The following PKHD1L1 variants were observed in gnomAD, a reference collection of about 807,000 sequenced individuals.
The protein encoded by PKHD1L1 is PKHD1 like 1, also known as fibrocystin-L.
In PKHD1L1, 434 loss-of-function variants were observed where a neutral mutation model predicts 462.9. The ratio of observed to expected loss-of-function variants is 0.94; its 90% CI spans 0.87 to 1.02. The LOEUF is 1.02. PKHD1L1 is among the 50% of genes least tolerant of loss of function. PKHD1L1 has a pLI of 0.00. For missense variants in PKHD1L1, 5,202 were observed against 5,096.1 expected, an observed-to-expected ratio of 1.02 and a Z score of -0.63; for synonymous variants, 1,781 against 1,750.0, an observed-to-expected ratio of 1.02 and a Z score of -0.44.
In PKHD1L1 at chr8:109,440,911, A is replaced by G. The variant is rs1030735647; in HGVS notation, c.4099+59A>G. 12 of 1,528,212 alleles carry G rather than the reference A, an allele frequency of 7.9e-6. No individual in the cohort carries two copies. In the Admixed American group the frequency reaches 2.2e-4, roughly 28 times the overall value. The allele number at this position is 1,528,212 out of a possible 1,614,324, so 94.7% of individuals were successfully genotyped here. On this transcript the variant is annotated intron_variant, in intron 33 of 77. Coordinates refer to ENST00000378402, the MANE Select transcript of PKHD1L1 (RefSeq NM_177531.6). ...TTTTTCTCAGCTTAAAGGATATACT[A>G]CAGGTGCTGAGTTATTATATGAATA...
At chr8:109,490,615 TA>T (rs202223628) in intron 60 of PKHD1L1, among the ~76,000 whole-genome samples, 39 of 151,036 alleles carry the variant, frequency 2.6e-4, no homozygotes, top group Middle Eastern at 3.5e-3. Flanking sequence ...TTTTTGTAAT[TA>T]AAAAAAAATC....
intron 6 of PKHD1L1, among the ~76,000 whole-genome samples, chr8:109,388,038 C>T (rs1278029511): frequency 6.6e-6 from 1 of 152,180 alleles, no homozygotes; most frequent in African/African-American, 2.4e-5. Flanking sequence ...TGCTGTTAGA[C>T]ATCCTCTTTC....
At position 109,445,433 on chromosome 8, in the gene PKHD1L1, G is replaced by T. The variant is rs773312301; in HGVS notation, c.5564G>T (p.Gly1855Val). Reference sequence around the variant, plus strand: ...ACTACACTGGTGATCACAGGAAATGGCTTCTATCCAGGCAACACTACAGTC... The same window carrying T: ...ACTACACTGGTGATCACAGGAAATGTCTTCTATCCAGGCAACACTACAGTC... ...GGTTLVITGN[G>V]FYPGNTTVTI... Residue 1855 changes from glycine (G) to valine (V), a missense_variant, in exon 38 of 78, where the codon GGC becomes GTC. Around this residue, in one of 3 missense-constraint regions of PKHD1L1, gnomAD observed 4,497 missense variants for 4,336.8 expected, o/e 1.04. Transcript: ENST00000378402. 2 of 1,613,926 alleles carry T rather than the reference G, an allele frequency of 1.2e-6. No individual in the cohort carries two copies. Among genetic ancestry groups the T allele is most frequent in the East Asian group, 2.2e-5 (1 of 44,868 alleles).
intron 21 of PKHD1L1, among the ~76,000 whole-genome samples, chr8:109,414,331 G>GT (rs762199185): frequency 1.3e-5 from 2 of 152,074 alleles, no homozygotes; most frequent in Non-Finnish European, 2.9e-5. Context: ...TAAGTGCACA[G>GT]TTTAGTGAGT....
At chr8:109,428,099 C>T (rs1398233535) in intron 25 of PKHD1L1, among the ~76,000 whole-genome samples, 1 of 148,610 alleles carries the variant, frequency 6.7e-6, no homozygotes, top group Non-Finnish European at 1.5e-5. Context: ...TTCTTCTATG[C>T]AATGTTGGTG....
rs757234234 is a variant in PKHD1L1, at chr8:109,362,532, A to G, written c.-49A>G. ...GTCCCAGGAGCCGAGCTCCAGCACT[A>G]GAGCCAGCTGCGAGCGGAGGGCACC... On this transcript the variant is annotated 5_prime_UTR_variant, in exon 1 of 78. Transcript: ENST00000378402. 9 of 1,522,488 alleles carry G rather than the reference A, an allele frequency of 5.9e-6. No individual in the cohort carries two copies. In the South Asian group the frequency reaches 1.1e-4, roughly 18 times the overall value. The allele number at this position is 1,522,488 out of a possible 1,614,324, so 94.3% of individuals were successfully genotyped here.
chr8:109,471,881 C>T (rs188733295), intron 50 of PKHD1L1, among the ~76,000 whole-genome samples: 2 of 152,240 alleles, frequency 1.3e-5, no homozygotes, highest in East Asian at 1.9e-4. Context: ...CCATTTGACA[C>T]TATGGTTTGT....
chr8:109,452,002 T>C, intron 41 of PKHD1L1, 122 bp from the exon 42 acceptor site: 1 of 784,538 alleles, frequency 1.3e-6, no homozygotes, highest in South Asian at 2.3e-5. Context: ...ATCTACACTT[T>C]GGTGGCTGAT....
chr8:109,464,337 C>A lies in PKHD1L1; in HGVS notation c.7505C>A (p.Ala2502Asp). 1 of 1,613,200 alleles carries A rather than the reference C, an allele frequency of 6.2e-7. No individual in the cohort carries two copies. Among genetic ancestry groups the A allele is most frequent in the Non-Finnish European group, 8.5e-7 (1 of 1,179,492 alleles). The stretch of plus-strand genomic sequence containing the variant: ...GCAATTCACCAGGCCTATAACAGAG[C>A]TGTTACTATTCATAACACACACCAT... ...GCAIHQAYNR[A>D]VTIHNTHHLL... is the part of the protein sequence containing the mutation. Residue 2502 changes from alanine (A) to aspartate (D), a missense_variant, in exon 49 of 78, where the codon GCT (alanine) becomes GAT (aspartate). Transcript: ENST00000378402.
At chr8:109,526,290 T>C (rs1022213994) in intron 76 of PKHD1L1, among the ~76,000 whole-genome samples, 1 of 152,242 alleles carries the variant, frequency 6.6e-6, no homozygotes, top group African/African-American at 2.4e-5. Flanking sequence ...TGAATCTTAA[T>C]GGAAGGCATA....
At chr8:109,504,291 G>T in intron 67 of PKHD1L1, 36 bp from the exon 68 acceptor site, 3 of 1,266,806 alleles carry the variant, frequency 2.4e-6, no homozygotes, top group South Asian at 3.6e-5. Flanking sequence ...ACTTTCTTTA[G>T]AGAAAATAAT....
At chr8:109,417,336 T>C (rs1364070454) in intron 21 of PKHD1L1, among the ~76,000 whole-genome samples, 1 of 151,758 alleles carries the variant, frequency 6.6e-6, no homozygotes, top group Non-Finnish European at 1.5e-5. Flanking sequence ...CTAATATGTA[T>C]CCACAAAAAA....
At chr8:109,394,197 A>AAAAG (rs1266975693) in intron 9 of PKHD1L1, among the ~76,000 whole-genome samples, 1 of 135,918 alleles carries the variant, frequency 7.4e-6, no homozygotes, top group South Asian at 2.4e-4. Context: ...AAAAAAAAAA[A>AAAAG]GAAATCAACT....
intron 38 of PKHD1L1, among the ~76,000 whole-genome samples, chr8:109,445,891 C>T (rs563025145): frequency 3.0e-4 from 46 of 152,150 alleles, no homozygotes; most frequent in African/African-American, 1.0e-3. Context: ...TTAACCTGAC[C>T]TAAATTTCAA....
intron 38 of PKHD1L1, among the ~76,000 whole-genome samples, 190 bp downstream of exon 38, chr8:109,445,835 A>G (rs1816108830): frequency 1.3e-5 from 2 of 152,224 alleles, no homozygotes; most frequent in Non-Finnish European, 2.9e-5. Flanking sequence ...TTATGGGATA[A>G]CAATTTTAGC....
intron 21 of PKHD1L1, among the ~76,000 whole-genome samples, chr8:109,415,003 T>G (rs986047054): frequency 7.6e-6 from 1 of 131,808 alleles, no homozygotes; most frequent in African/African-American, 2.7e-5. Flanking sequence ...TTATTATTAT[T>G]ATTATTATTT....
chr8:109,364,129 T>C (rs73700868), intron 1 of PKHD1L1, among the ~76,000 whole-genome samples: 133 of 152,362 alleles, frequency 8.7e-4, no homozygotes, highest in African/African-American at 3.1e-3. Context: ...TCTTTCAAAC[T>C]ACCTAGCATT....
chr8:109,442,308 C>G, intron 35 of PKHD1L1, 113 bp downstream of exon 35: 1 of 1,038,224 alleles, frequency 9.6e-7, no homozygotes, highest in South Asian at 1.9e-5. Context: ...TACACAAATG[C>G]GTAAGGTATT....
intron 2 of PKHD1L1, among the ~76,000 whole-genome samples, chr8:109,380,940 T>C (rs1321415191): frequency 2.0e-5 from 3 of 152,164 alleles, no homozygotes; most frequent in Non-Finnish European, 4.4e-5. Context: ...AGATATAGAA[T>C]CTGGTGCTAT....
Sources: allele counts gnomAD v4.1 joint callset (sites outside exome capture counted in the v4.1 genomes callset), GRCh38; gene constraint gnomAD v4.1.1; regional missense constraint gnomAD v4.1.1; transcripts MANE v1.5; gene names NCBI Gene and HGNC (gene_info 2026-07-23, HGNC 2026-07-21).